GRIK2: variants seen among roughly 807,000 people sequenced by gnomAD.
GRIK2 encodes glutamate ionotropic receptor kainate type subunit 2, also known as glutamate receptor ionotropic, kainate 2.
GRIK2 carries 32 observed loss-of-function variants against 100.3 expected under a neutral mutation model. That is an observed-to-expected ratio of 0.32 (90% CI 0.24 to 0.43). The LOEUF (loss-of-function observed/expected upper bound fraction) is 0.43. Ranked by LOEUF, GRIK2 falls within the 20% of genes least tolerant of loss-of-function variation. GRIK2 has a pLI of 1.00. For synonymous variants in GRIK2, 417 were observed against 389.4 expected (o/e 1.07, Z -0.83); for missense variants, 843 against 1,114.9 (o/e 0.76, Z 3.47).
At chr6:101,772,469 A>T (rs1433422395) in intron 7 of GRIK2, among the ~76,000 whole-genome samples, 1 of 152,152 alleles carries the variant, frequency 6.6e-6, no homozygotes. Context: ...TGGTCTTCTG[A>T]GTTCCATATT....
rs530845272 is a variant in GRIK2 at position 101,406,841 on chromosome 6, T to C, written c.115+7449T>C. Among the ~76,000 whole-genome samples, 7 of 152,322 alleles carry C rather than the reference T, an allele frequency of 4.6e-5. No homozygotes were observed. The South Asian group carries it at 8.3e-4, about 18-fold the overall frequency. The stretch of plus-strand genomic sequence containing the variant: ...GCATAAGTGATTATTTTAAATAAGA[T>C]GTAAATTATATTCTTACATTGACAT... On this transcript the variant is annotated intron_variant, in intron 2 of 16. Transcript: ENST00000369134.
In GRIK2 at chr6:101,850,229, T is replaced by C. The variant is rs1320532562; in HGVS notation, c.1318-9058T>C. 3.3e-5 allele frequency among the ~76,000 whole-genome samples: 5 copies of C among 152,056 alleles called. No individual in the cohort carries two copies. In the South Asian group the frequency reaches 1.0e-3, roughly 32 times the overall value. On this transcript the variant is annotated intron_variant, in intron 10 of 16. Coordinates refer to ENST00000369134, the MANE Select transcript of GRIK2 (RefSeq NM_021956.5). ...TAGGGATTTCAAATTCACCACTAGA[T>C]TGGGAGTTTCATAAGGGCAGGAATT... is the stretch of plus-strand genomic sequence containing the variant.
chr6:101,982,023 T>A (rs980937553), intron 14 of GRIK2, among the ~76,000 whole-genome samples: 1 of 151,916 alleles, frequency 6.6e-6, no homozygotes, highest in Non-Finnish European at 1.5e-5. Flanking sequence ...ACTTTTTGAA[T>A]AATTAGTCCC....
At chr6:101,708,374 A>G (rs909957810) in intron 7 of GRIK2, among the ~76,000 whole-genome samples, 1 of 151,680 alleles carries the variant, frequency 6.6e-6, no homozygotes, top group African/African-American at 2.4e-5. Flanking sequence ...TTGTGATACT[A>G]CATTATTATT....
At chr6:102,021,561 A>G (rs995476313) in intron 14 of GRIK2, among the ~76,000 whole-genome samples, 1 of 151,674 alleles carries the variant, frequency 6.6e-6, no homozygotes, top group African/African-American at 2.4e-5. Flanking sequence ...GAAGTAAAAT[A>G]TTAAAACCCA....
chr6:101,945,488 T>C (rs1415087246), intron 14 of GRIK2, among the ~76,000 whole-genome samples: 1 of 152,176 alleles, frequency 6.6e-6, no homozygotes, highest in Admixed American at 6.6e-5. Flanking sequence ...GTACTTTTGG[T>C]TGTACCTTCA....
At chr6:101,403,515 C>G (rs1281360449) in intron 2 of GRIK2, among the ~76,000 whole-genome samples, 2 of 152,164 alleles carry the variant, frequency 1.3e-5, no homozygotes, top group Non-Finnish European at 2.9e-5. Context: ...GTTTAAGGGA[C>G]CACCTATACG....
chr6:101,570,986 T>G (rs149677172), intron 2 of GRIK2, among the ~76,000 whole-genome samples: 340 of 152,282 alleles, frequency 2.2e-3, no homozygotes, highest in Middle Eastern at 0.01. Context: ...CTAGCATTAT[T>G]TAATTTAATT....
intron 2 of GRIK2, among the ~76,000 whole-genome samples, chr6:101,557,574 C>G (rs1419923272): frequency 6.6e-6 from 1 of 151,882 alleles, no homozygotes; most frequent in Non-Finnish European, 1.5e-5. Flanking sequence ...AATCATGTAG[C>G]CTTCTTTTCT....
At chr6:101,451,132 T>TCAAACTC (rs1300623415) in intron 2 of GRIK2, among the ~76,000 whole-genome samples, 1 of 151,798 alleles carries the variant, frequency 6.6e-6, no homozygotes, top group Non-Finnish European at 1.5e-5. Context: ...CACAGTCTTC[T>TCAAACTC]CAAACTCCTT....
intron 7 of GRIK2, among the ~76,000 whole-genome samples, chr6:101,781,774 T>G (rs964094095): frequency 6.6e-6 from 1 of 152,138 alleles, no homozygotes; most frequent in Admixed American, 6.5e-5. Context: ...ATGAAATTGT[T>G]CCTAGTTAAT....
chr6:101,623,419 G>A (rs1780266667), intron 3 of GRIK2, among the ~76,000 whole-genome samples: 1 of 152,030 alleles, frequency 6.6e-6, no homozygotes, highest in African/African-American at 2.4e-5. Context: ...CATCATAATT[G>A]CAAAATAAAT....
chr6:101,594,145 T>G (rs1309683599), intron 2 of GRIK2, among the ~76,000 whole-genome samples: 1 of 151,986 alleles, frequency 6.6e-6, no homozygotes, highest in East Asian at 1.9e-4. Context: ...AAACATTCCA[T>G]GCCAATTTAG....
chr6:101,740,831 T>C (rs547561773), intron 7 of GRIK2, among the ~76,000 whole-genome samples: 1 of 152,208 alleles, frequency 6.6e-6, no homozygotes, highest in Non-Finnish European at 1.5e-5. Flanking sequence ...TGTTAACTAA[T>C]AGAGCAAGAA....
At chr6:101,639,750 T>G in intron 4 of GRIK2, among the ~76,000 whole-genome samples, 1 of 152,202 alleles carries the variant, frequency 6.6e-6, no homozygotes, top group East Asian at 1.9e-4. Context: ...CATCTAACTT[T>G]TTCAGAATGC....
intron 7 of GRIK2, among the ~76,000 whole-genome samples, chr6:101,798,119 T>C (rs1780439042): frequency 6.6e-6 from 1 of 151,798 alleles, no homozygotes; most frequent in South Asian, 2.1e-4. Flanking sequence ...TAATGCTAAT[T>C]CCAGAAAGAG....
intron 7 of GRIK2, among the ~76,000 whole-genome samples, chr6:101,775,826 T>A (rs1778713390): frequency 6.6e-6 from 1 of 151,372 alleles, no homozygotes; most frequent in Admixed American, 6.6e-5. Flanking sequence ...TATATATATA[T>A]GGAGAGAGAG....
In GRIK2 at chr6:101,763,967, C is replaced by A. The variant is rs115267290; in HGVS notation, c.952-35681C>A. ...CACTTGAATGTATTATCTGATTTGA[C>A]AAGAAAAGAGATAAACGTTTGTCCT... On this transcript the variant is annotated intron_variant, in intron 7 of 16. Transcript: ENST00000369134. Among the ~76,000 whole-genome samples the A allele has an allele frequency of 8.2e-3, 1,245 of 152,048 alleles. 20 individuals are homozygous for A. Among genetic ancestry groups the A allele is most frequent in the African/African-American group, 0.029 (1,198 of 41,460 alleles).
chr6:101,749,799 G>GTTTTTT (rs1396280522), intron 7 of GRIK2, among the ~76,000 whole-genome samples: 1 of 130,608 alleles, frequency 7.7e-6, no homozygotes, highest in African/African-American at 3.1e-5. Flanking sequence ...GTGTGTGCCA[G>GTTTTTT]TTTCTTTTTT....
Sources: gnomAD v4.1 joint callset for allele counts (sites outside exome capture counted in the v4.1 genomes callset) on GRCh38, gnomAD v4.1.1 for gene constraint, MANE v1.5 for transcripts, NCBI Gene and HGNC (gene_info 2026-07-23, HGNC 2026-07-21) for gene names.